The following ABTB2 variants were observed in gnomAD, a reference collection of about 807,000 sequenced individuals.
ABTB2 encodes the protein ankyrin repeat and BTB/POZ domain-containing protein 2.
A neutral mutation model predicts 104.1 loss-of-function variants in ABTB2; 56 were observed. That is an observed-to-expected ratio of 0.54 (90% CI 0.43 to 0.67). The LOEUF is 0.67. Among genes scored for constraint, ABTB2 ranks in the 30% least tolerant of loss-of-function variants. The pLI is 0.00. For missense variants in ABTB2, 1,279 were observed against 1,407.7 expected (o/e 0.91, Z 1.46); for synonymous variants, 606 against 608.2 (o/e 1.00, Z 0.05).
chr11:34,222,222 T>C (rs1853633808), intron 1 of ABTB2, among the ~76,000 whole-genome samples: 1 of 152,222 alleles, frequency 6.6e-6, no homozygotes, highest in Non-Finnish European at 1.5e-5. Flanking sequence ...TAAGAGGTTG[T>C]GGTGACCAGA....
At chr11:34,205,522 T>C (rs1853398308) in intron 1 of ABTB2, among the ~76,000 whole-genome samples, 2 of 152,192 alleles carry the variant, frequency 1.3e-5, no homozygotes, top group African/African-American at 4.8e-5. Flanking sequence ...GCAGTCAGAA[T>C]CTAGATAGGG....
intron 1 of ABTB2, among the ~76,000 whole-genome samples, chr11:34,274,556 AAT>A (rs138553790): frequency 0.16 from 13,346 of 83,904 alleles, 2,065 homozygotes; most frequent in African/African-American, 0.41. Flanking sequence ...AGTGGATTGG[AAT>A]ATACACACAC....
chr11:34,196,560 A>G (rs955325544), intron 3 of ABTB2, among the ~76,000 whole-genome samples: 1 of 152,220 alleles, frequency 6.6e-6, no homozygotes, highest in Non-Finnish European at 1.5e-5. Flanking sequence ...TCTAAAAAAA[A>G]AAGAAAAGGT....
At chr11:34,345,629 A>G (rs10768060) in intron 1 of ABTB2, among the ~76,000 whole-genome samples, 23,368 of 151,882 alleles carry the variant, frequency 0.15, 3,136 homozygotes, top group East Asian at 0.35. Flanking sequence ...GGTGGGGGAC[A>G]TTGCGATGCC....
chr11:34,327,748 C>T (rs1390430566), intron 1 of ABTB2, among the ~76,000 whole-genome samples: 2 of 152,162 alleles, frequency 1.3e-5, no homozygotes, highest in Admixed American at 6.5e-5. Flanking sequence ...ATACGTTTCT[C>T]CCAAGAGAAA....
chr11:34,287,801 A>G (rs1854523649), intron 1 of ABTB2, among the ~76,000 whole-genome samples: 1 of 151,190 alleles, frequency 6.6e-6, no homozygotes, highest in Admixed American at 6.6e-5. Context: ...CCCTCTCCTC[A>G]CTCTGTTTCC....
At chr11:34,277,304 T>C (rs2133084450) in intron 1 of ABTB2, among the ~76,000 whole-genome samples, 1 of 152,298 alleles carries the variant, frequency 6.6e-6, no homozygotes. Context: ...TTTACCTTTG[T>C]TACTCAAGTT....
intron 1 of ABTB2, among the ~76,000 whole-genome samples, chr11:34,344,123 C>G (rs1855300465): frequency 6.6e-6 from 1 of 152,172 alleles, no homozygotes; most frequent in Admixed American, 6.5e-5. Flanking sequence ...CACACTTGAC[C>G]TCCAGGAATC....
chr11:34,242,121 C>A (rs1158510327), intron 1 of ABTB2, among the ~76,000 whole-genome samples: 1 of 152,268 alleles, frequency 6.6e-6, no homozygotes, highest in East Asian at 1.9e-4. Context: ...GGGCCCACAA[C>A]AACTGCACAG....
chr11:34,159,851 A>T, intron 13 of ABTB2, 55 bp downstream of exon 13: 1 of 1,426,586 alleles, frequency 7.0e-7, no homozygotes. Flanking sequence ...CTGGAATCTG[A>T]AACAAGGTGC....
At chr11:34,331,343 G>T (rs752054363) in intron 1 of ABTB2, among the ~76,000 whole-genome samples, 9 of 152,164 alleles carry the variant, frequency 5.9e-5, no homozygotes, top group African/African-American at 2.2e-4. Flanking sequence ...ACCATAAAAC[G>T]CAAGGAGTAA....
intron 1 of ABTB2, among the ~76,000 whole-genome samples, chr11:34,329,561 C>A (rs1189283120): frequency 6.6e-6 from 1 of 152,228 alleles, no homozygotes; most frequent in Non-Finnish European, 1.5e-5. Flanking sequence ...CTAGGCCAGG[C>A]CCATCAGAGC....
chr11:34,167,806 A>T, intron 6 of ABTB2, 97 bp downstream of exon 6: 1 of 1,263,064 alleles, frequency 7.9e-7, no homozygotes, highest in South Asian at 1.2e-5. Flanking sequence ...ACATCTACTC[A>T]GTTGCCCAAA....
At chr11:34,321,936 C>A (rs1267468) in intron 1 of ABTB2, among the ~76,000 whole-genome samples, 26,475 of 152,150 alleles carry the variant, frequency 0.17, 2,835 homozygotes, top group South Asian at 0.23. Context: ...GGACTCACCT[C>A]TGGGTCAGCA....
chr11:34,261,169 A>G (rs1032587221), intron 1 of ABTB2, among the ~76,000 whole-genome samples: 17 of 152,048 alleles, frequency 1.1e-4, no homozygotes, highest in Admixed American at 3.3e-4. Context: ...GCACTTTCAC[A>G]TCTCTCTCAA....
At chr11:34,223,575 G>A (rs1047235890) in intron 1 of ABTB2, among the ~76,000 whole-genome samples, 1 of 152,210 alleles carries the variant, frequency 6.6e-6, no homozygotes, top group Admixed American at 6.5e-5. Flanking sequence ...GCTCCTGCCT[G>A]GGTGGCCCAT....
intron 3 of ABTB2, among the ~76,000 whole-genome samples, chr11:34,192,456 C>T (rs934672275): frequency 3.3e-5 from 5 of 152,340 alleles, no homozygotes; most frequent in South Asian, 4.1e-4. Flanking sequence ...TGGGGCTATT[C>T]TGGCTGGCTA....
intron 1 of ABTB2, among the ~76,000 whole-genome samples, chr11:34,341,151 A>G (rs1855257599): frequency 6.6e-6 from 1 of 152,212 alleles, no homozygotes; most frequent in African/African-American, 2.4e-5. Context: ...ACTGTTTTAT[A>G]TACATTTTGT....
intron 1 of ABTB2, among the ~76,000 whole-genome samples, chr11:34,343,463 A>T (rs2133124733): frequency 6.6e-6 from 1 of 152,048 alleles, no homozygotes; most frequent in South Asian, 2.1e-4. Flanking sequence ...AGACAGACAC[A>T]CACACACATA....
Sources: allele counts gnomAD v4.1 joint callset (sites outside exome capture counted in the v4.1 genomes callset), GRCh38; gene constraint gnomAD v4.1.1; transcripts MANE v1.5; gene names NCBI Gene and HGNC (gene_info 2026-07-23, HGNC 2026-07-21).